Variants in TARBP1 observed in about 807,000 individuals in gnomAD.
TARBP1 encodes tRNA (guanosine(18)-2'-O)-methyltransferase TARBP1.
In TARBP1, 144 loss-of-function variants were observed where a neutral mutation model predicts 178.6. The ratio of observed to expected loss-of-function variants is 0.81; its 90% confidence interval spans 0.70 to 0.93. TARBP1 has a LOEUF of 0.93. Ranked by LOEUF, TARBP1 falls within the 40% of genes least tolerant of loss-of-function variation. The pLI, the probability that TARBP1 is intolerant of heterozygous loss-of-function variation, is 0.00. For missense variants in TARBP1, 2,067 were observed against 2,011.7 expected (o/e 1.03, Z -0.53); for synonymous variants, 787 against 781.0 (o/e 1.01, Z -0.13).
chr1:234,459,129 C>A (rs1169689454), intron 8 of TARBP1, 101 bp downstream of exon 8: 1 of 747,614 alleles, frequency 1.3e-6, no homozygotes, highest in Non-Finnish European at 2.2e-6. Flanking sequence ...ACAAGCAGGC[C>A]TTTCTAATGG....
In TARBP1 at chr1:234,478,776, G is replaced by C. The variant is rs1209422644; in HGVS notation, c.328C>G (p.Leu110Val). 5.3e-6 allele frequency: 6 copies of C among 1,139,702 alleles called. No homozygotes were observed. The African/African-American group carries it at 6.6e-5, about 13-fold the overall frequency. The allele number at this position is 1,139,702 out of a possible 1,614,324, so 70.6% of individuals were successfully genotyped here. ...AGAALRSCVR[L>V]AGRPQLAAAL... is the part of the protein sequence containing the mutation. ...GCCGCCAGCTGCGGACGCCCGGCCAGGCGGACGCACGAGCGCAGGGCCGCG... is the reference window on the plus strand; with the variant it reads ...GCCGCCAGCTGCGGACGCCCGGCCACGCGGACGCACGAGCGCAGGGCCGCG... The change falls in exon 1 of 30, where the codon CTG becomes GTG. Residue 110 changes from leucine to valine, a missense_variant. Coordinates refer to ENST00000040877, the MANE Select transcript of TARBP1 (RefSeq NM_005646.4).
chr1:234,477,010 AC>A (rs1669627364), intron 1 of TARBP1, among the ~76,000 whole-genome samples: 1 of 152,116 alleles, frequency 6.6e-6, no homozygotes, highest in South Asian at 2.1e-4. Context: ...ACACGGTGAA[AC>A]CCCGTCTCTA....
intron 14 of TARBP1, among the ~76,000 whole-genome samples, chr1:234,431,869 G>A (rs757287232): frequency 1.1e-4 from 17 of 152,228 alleles, no homozygotes; most frequent in Non-Finnish European, 2.2e-4. Context: ...CAGGCGTGGT[G>A]GCTCACGCCT....
At position 234,430,082 on chromosome 1, in the gene TARBP1, T is replaced by C. The variant is rs774158548; in HGVS notation, c.2609+5A>G. 3.1e-6 allele frequency: 5 copies of C among 1,608,190 alleles called. No individual in the cohort carries two copies. Among genetic ancestry groups the C allele is most frequent in the Middle Eastern group, 1.7e-4 (1 of 5,938 alleles). ...TGGATTTTTAAGCCTTAACCTTCCC[T>C]GTACCTGCTGCACTCCAAGGGGTGA... On this transcript the variant is annotated splice_donor_5th_base_variant and intron_variant, in intron 15 of 29. Coordinates refer to ENST00000040877, the MANE Select transcript of TARBP1 (RefSeq NM_005646.4).
At chr1:234,454,143 G>C (rs1667063738) in intron 9 of TARBP1, among the ~76,000 whole-genome samples, 1 of 152,126 alleles carries the variant, frequency 6.6e-6, no homozygotes, top group Non-Finnish European at 1.5e-5. Flanking sequence ...GTAGCCTAAA[G>C]CTTTTTTACA....
chr1:234,440,361 C>CA (rs34253337), intron 12 of TARBP1, among the ~76,000 whole-genome samples: 18,365 of 141,588 alleles, frequency 0.13, 1,528 homozygotes, highest in East Asian at 0.31. Context: ...TGAAATTGAC[C>CA]AAAAAAAAAA....
intron 8 of TARBP1, 135 bp downstream of exon 8, chr1:234,459,095 T>C: frequency 3.2e-6 from 2 of 629,052 alleles, no homozygotes; most frequent in Non-Finnish European, 5.5e-6. Context: ...ATTATTTTAT[T>C]ACAAGCACAT....
Position 234,393,630 on chromosome 1 carries a change from A to G in TARBP1, c.4435+16T>C. On this transcript the variant is annotated intron_variant, in intron 27 of 29. Transcript: ENST00000040877. Reference sequence around the variant, plus strand: ...AAAAGCTTTCAGGCAAAGCTCCCAGAAAACTCCAACTTTACCTCCTAAATT... The same window carrying G: ...AAAAGCTTTCAGGCAAAGCTCCCAGGAAACTCCAACTTTACCTCCTAAATT... 6.3e-7 allele frequency: 1 copy of G among 1,594,552 alleles called. No individual in the cohort carries two copies. Among genetic ancestry groups the G allele is most frequent in the South Asian group, 1.1e-5 (1 of 89,970 alleles).
intron 14 of TARBP1, among the ~76,000 whole-genome samples, chr1:234,430,767 T>A (rs1216577855): frequency 6.6e-6 from 1 of 152,174 alleles, no homozygotes; most frequent in Non-Finnish European, 1.5e-5. Context: ...TTCTATCAGC[T>A]GCACGCTACT....
chr1:234,440,462 A>C (rs187202865), intron 12 of TARBP1, among the ~76,000 whole-genome samples: 1 of 145,138 alleles, frequency 6.9e-6, no homozygotes, highest in East Asian at 1.9e-4. Context: ...AGACAGAGAC[A>C]GAGAGAGAGT....
rs1455181892 is a variant in TARBP1 at position 234,478,671 on chromosome 1, C to G, written c.433G>C (p.Ala145Pro). Residue 145 changes from alanine (A) to proline (P), a missense_variant, in exon 1 of 30, where the codon GCA becomes CCA. Coordinates refer to ENST00000040877, the MANE Select transcript of TARBP1 (RefSeq NM_005646.4). ...GGCCGCAAACATGGCCCGACGGCTG[C>G]TAGCACTTCCACGGCAGCCTCGGCG... ...PGAEAAVEVL[A>P]AVGPCLRPRE... is the part of the protein sequence containing the mutation. 16 of 1,248,398 alleles carry G rather than the reference C, an allele frequency of 1.3e-5. No individual in the cohort carries two copies. The highest frequency in any genetic ancestry group is 1.6e-5 in the Non-Finnish European group (16 of 995,468). 77.3% of individuals were successfully genotyped at this position (1,248,398 alleles called of 1,614,324 possible).
Position 234,410,475 on chromosome 1 carries a change from T to A in TARBP1, c.3762A>T (p.Leu1254Phe), listed in dbSNP as rs761140017. ...ICTFLAVLSH[L>F]DIITQNIPEK... is the part of the protein sequence containing the mutation. ...CTGGAATATTTTGAGTAATAATGTCTAAATGTGATAAAACTGCTAAAAACG... is the reference window on the plus strand; with the variant it reads ...CTGGAATATTTTGAGTAATAATGTCAAAATGTGATAAAACTGCTAAAAACG... The change falls in exon 23 of 30, where the codon TTA becomes TTT. Residue 1254 changes from leucine (L) to phenylalanine (F), a missense_variant. Physicochemically the swap from Leu to Phe is conservative, Grantham distance 22. Coordinates refer to ENST00000040877, the MANE Select transcript of TARBP1 (RefSeq NM_005646.4). 1 of 1,520,064 alleles carries A rather than the reference T, an allele frequency of 6.6e-7. No individual in the cohort carries two copies. Among genetic ancestry groups the A allele is most frequent in the Non-Finnish European group, 9.0e-7 (1 of 1,108,418 alleles). 94.2% of individuals were successfully genotyped at this position (1,520,064 alleles called of 1,614,324 possible). A position where few individuals can be genotyped will look rare whatever the true frequency, so the allele number is the denominator to read the frequency against.
chr1:234,431,836 C>T (rs1258661603), intron 14 of TARBP1, among the ~76,000 whole-genome samples: 1 of 152,152 alleles, frequency 6.6e-6, no homozygotes, highest in Non-Finnish European at 1.5e-5. Flanking sequence ...CCTTATTGTG[C>T]CATGTTTAAG....
intron 21 of TARBP1, among the ~76,000 whole-genome samples, chr1:234,420,147 T>C (rs1473367468): frequency 1.3e-5 from 2 of 152,234 alleles, no homozygotes; most frequent in Non-Finnish European, 2.9e-5. Flanking sequence ...TCCATTCAAC[T>C]GTTTCTTGCC....
At chr1:234,434,056 T>C (rs1005107409) in intron 13 of TARBP1, among the ~76,000 whole-genome samples, 3 of 152,048 alleles carry the variant, frequency 2.0e-5, no homozygotes, top group African/African-American at 7.2e-5. Flanking sequence ...CAGAAAAAAA[T>C]GGGTTCAGCT....
At chr1:234,439,026 AT>A (rs1189709254) in intron 12 of TARBP1, among the ~76,000 whole-genome samples, 1 of 152,254 alleles carries the variant, frequency 6.6e-6, no homozygotes. Flanking sequence ...TCCAGAAAAA[AT>A]ATCCTTCAGA....
At chr1:234,452,317 A>T (rs1301147507) in intron 9 of TARBP1, among the ~76,000 whole-genome samples, 2 of 152,220 alleles carry the variant, frequency 1.3e-5, no homozygotes, top group Admixed American at 1.3e-4. Context: ...ATATTTGCAA[A>T]ACACATATCT....
At chr1:234,427,238 A>G in intron 19 of TARBP1, 79 bp downstream of exon 19, 3 of 985,174 alleles carry the variant, frequency 3.0e-6, no homozygotes, top group Non-Finnish European at 3.1e-6. Context: ...AAATTTAGCA[A>G]ATACAGAATG....
At chr1:234,477,140 G>A (rs1271621838) in intron 1 of TARBP1, among the ~76,000 whole-genome samples, 1 of 152,228 alleles carries the variant, frequency 6.6e-6, no homozygotes, top group Non-Finnish European at 1.5e-5. Flanking sequence ...AGCGGAGATT[G>A]TGCCATTGCA....
Sources: gnomAD v4.1 joint callset for allele counts (sites outside exome capture counted in the v4.1 genomes callset) on GRCh38, gnomAD v4.1.1 for gene constraint, MANE v1.5 for transcripts, NCBI Gene and HGNC (gene_info 2026-07-23, HGNC 2026-07-21) for gene names.